PIBF1: variants seen among roughly 807,000 people sequenced by gnomAD.
The protein encoded by PIBF1 is progesterone-induced-blocking factor 1.
A neutral mutation model predicts 112.5 loss-of-function variants in PIBF1; 90 were observed. The ratio of observed to expected loss-of-function variants is 0.80; its 90% CI spans 0.67 to 0.95. PIBF1 has a LOEUF of 0.95. PIBF1 is among the 40% of genes least tolerant of loss of function. The probability of loss-of-function intolerance (pLI) is 0.00; values close to 1 mark genes in which losing one functional copy is unlikely to be tolerated. For synonymous variants in PIBF1, 301 were observed against 288.6 expected (o/e 1.04, Z -0.44); for missense variants, 915 against 852.3 (o/e 1.07, Z -0.92).
intron 12 of PIBF1, 56 bp from the exon 13 acceptor site, chr13:72,917,020 T>C: frequency 4.3e-6 from 5 of 1,150,998 alleles, no homozygotes; most frequent in Non-Finnish European, 4.9e-6. Flanking sequence ...ACTTCTGCCA[T>C]CTTTTTTAAA....
rs950574268 is a variant in PIBF1, at chr13:72,978,735, C to T, written c.2049+5060C>T. On this transcript the variant is annotated intron_variant, in intron 16 of 17. Transcript: ENST00000326291. Reference sequence around the variant, plus strand: ...TCTATCTTACTCTAAAATGTCTTCACTTGTACTCGGATTAAGACCTCTTAG... The same window carrying T: ...TCTATCTTACTCTAAAATGTCTTCATTTGTACTCGGATTAAGACCTCTTAG... Among the ~76,000 whole-genome samples, 12 of 152,186 alleles carry T rather than the reference C, an allele frequency of 7.9e-5. No individual in the cohort carries two copies. In the East Asian group the frequency reaches 2.1e-3, roughly 27 times the overall value.
chr13:72,969,385 G>A (rs918661527), intron 15 of PIBF1, among the ~76,000 whole-genome samples: 4 of 152,114 alleles, frequency 2.6e-5, no homozygotes, highest in African/African-American at 4.8e-5. Flanking sequence ...CTTTAATGTT[G>A]TCTTGTGTTT....
At chr13:72,896,828 A>C (rs562686183) in intron 11 of PIBF1, among the ~76,000 whole-genome samples, 1 of 152,192 alleles carries the variant, frequency 6.6e-6, no homozygotes, top group African/African-American at 2.4e-5. Context: ...AAGAGTAATC[A>C]GTGTTCCTGA....
At chr13:72,884,145 G>C (rs1362266106) in intron 10 of PIBF1, among the ~76,000 whole-genome samples, 1 of 152,138 alleles carries the variant, frequency 6.6e-6, no homozygotes, top group African/African-American at 2.4e-5. Context: ...CCTAAATTTT[G>C]TATTAGCAGT....
chr13:72,850,771 A>ATTCTC (rs11409082), intron 9 of PIBF1, among the ~76,000 whole-genome samples: 11 of 151,510 alleles, frequency 7.3e-5, no homozygotes, highest in African/African-American at 2.7e-4. Flanking sequence ...TGAGAACTTT[A>ATTCTC]TCTATAACAT....
chr13:72,853,382 A>ATT (rs2038260643), intron 9 of PIBF1, among the ~76,000 whole-genome samples: 1 of 152,064 alleles, frequency 6.6e-6, no homozygotes, highest in Admixed American at 6.6e-5. Context: ...AGTCATACTA[A>ATT]TTTTCATACC....
At chr13:73,002,625 T>TA (rs930281711) in intron 17 of PIBF1, among the ~76,000 whole-genome samples, 2 of 152,168 alleles carry the variant, frequency 1.3e-5, no homozygotes, top group African/African-American at 4.8e-5. Context: ...CTCAATACCT[T>TA]ATTAAAAATG....
intron 2 of PIBF1, among the ~76,000 whole-genome samples, chr13:72,791,463 C>T (rs936626407): frequency 6.6e-6 from 1 of 152,128 alleles, no homozygotes; most frequent in Non-Finnish European, 1.5e-5. Flanking sequence ...TGAGAAAGCA[C>T]AGCATACTTG....
At chr13:72,992,501 G>A (rs1304609531) in intron 16 of PIBF1, among the ~76,000 whole-genome samples, 2 of 152,022 alleles carry the variant, frequency 1.3e-5, no homozygotes, top group South Asian at 2.1e-4. Context: ...TCGCATCCAC[G>A]TACACAGAGA....
At chr13:72,875,835 C>T (rs2039373087) in intron 10 of PIBF1, among the ~76,000 whole-genome samples, 1 of 152,132 alleles carries the variant, frequency 6.6e-6, no homozygotes, top group Admixed American at 6.5e-5. Context: ...TTTTGGATAA[C>T]AACCCTTCGT....
At chr13:72,973,823 A>G in intron 16 of PIBF1, 148 bp downstream of exon 16, 1 of 550,780 alleles carries the variant, frequency 1.8e-6, no homozygotes. Context: ...TTTTTATTCA[A>G]CTTTTGATAT....
intron 17 of PIBF1, among the ~76,000 whole-genome samples, chr13:73,010,308 A>G (rs9543200): frequency 0.4 from 57,434 of 145,364 alleles, 11,255 homozygotes; most frequent in Middle Eastern, 0.46. Context: ...CCTGCAATTT[A>G]AAGAACAATG....
rs191133031 is a variant in PIBF1 at position 72,897,203 on chromosome 13, G to C, written c.1488+3254G>C. On this transcript the variant is annotated intron_variant, in intron 11 of 17. Transcript: ENST00000326291. ...ATAACTTTGTATCTAGTGAAACTAA[G>C]CATCATAAATAAAGGAAAGATACAG... Among the ~76,000 whole-genome samples the C allele has an allele frequency of 4.6e-5, 7 of 152,224 alleles. No individual in the cohort carries two copies. In the East Asian group the frequency reaches 1.2e-3, roughly 25 times the overall value.
chr13:72,929,060 C>T (rs1703717906), intron 13 of PIBF1, among the ~76,000 whole-genome samples: 1 of 152,140 alleles, frequency 6.6e-6, no homozygotes, highest in Non-Finnish European at 1.5e-5. Context: ...ACACCTTCAA[C>T]ATATTTATTG....
chr13:72,790,675 A>G (rs2034878058), intron 2 of PIBF1, among the ~76,000 whole-genome samples: 1 of 152,176 alleles, frequency 6.6e-6, no homozygotes, highest in Non-Finnish European at 1.5e-5. Flanking sequence ...GAGCCTAGAA[A>G]GCTTAAGAGT....
chr13:72,980,640 C>T (rs2043133640), intron 16 of PIBF1, among the ~76,000 whole-genome samples: 1 of 151,572 alleles, frequency 6.6e-6, no homozygotes, highest in South Asian at 2.1e-4. Flanking sequence ...ACAAAAGATA[C>T]ATAAATTAGC....
chr13:72,934,910 G>A (rs79765678), intron 14 of PIBF1, among the ~76,000 whole-genome samples: 8,580 of 152,064 alleles, frequency 0.056, 344 homozygotes, highest in Non-Finnish European at 0.086. Context: ...CCCCATCTCA[G>A]TCCCTAAGCA....
chr13:72,847,272 A>G (rs1241685213), intron 9 of PIBF1, among the ~76,000 whole-genome samples: 1 of 152,240 alleles, frequency 6.6e-6, no homozygotes, highest in Non-Finnish European at 1.5e-5. Context: ...CTGCTTGAGC[A>G]CCAATTGTCT....
intron 9 of PIBF1, among the ~76,000 whole-genome samples, chr13:72,840,352 T>G (rs145626178): frequency 7.9e-5 from 12 of 152,122 alleles, no homozygotes; most frequent in Non-Finnish European, 1.3e-4. Context: ...GTTTACACAT[T>G]TAAGGTTGTG....
Sources: gnomAD v4.1 joint callset for allele counts (sites outside exome capture counted in the v4.1 genomes callset) on GRCh38, gnomAD v4.1.1 for gene constraint, MANE v1.5 for transcripts, NCBI Gene and HGNC (gene_info 2026-07-23, HGNC 2026-07-21) for gene names.